The following PRKN variants were observed in gnomAD, a reference collection of about 807,000 sequenced individuals.
PRKN encodes E3 ubiquitin-protein ligase parkin.
In PRKN, 56 loss-of-function variants were observed where a neutral mutation model predicts 59.5. The ratio of observed to expected loss-of-function variants is 0.94; its 90% CI spans 0.76 to 1.18. The LOEUF is 1.18. PRKN is among the 50% of genes most tolerant of loss of function. The probability of loss-of-function intolerance (pLI) is 0.00; values close to 1 mark genes in which losing one functional copy is unlikely to be tolerated. For synonymous variants in PRKN, 250 were observed against 222.1 expected, an observed-to-expected ratio of 1.13 and a Z score of -1.12; for missense variants, 657 against 596.4, an observed-to-expected ratio of 1.10 and a Z score of -1.06.
intron 7 of PRKN, among the ~76,000 whole-genome samples, chr6:161,598,805 T>C (rs1296460683): frequency 6.6e-6 from 1 of 152,188 alleles, no homozygotes; most frequent in African/African-American, 2.4e-5. Flanking sequence ...TGGGTGGCCA[T>C]GGATGTTATG....
Position 161,458,103 on chromosome 6 carries a change from G to T in PRKN, c.1084-71226C>A, listed in dbSNP as rs1488750044. Among the ~76,000 whole-genome samples, 3 of 152,144 alleles carry T rather than the reference G, an allele frequency of 2.0e-5. No individual in the cohort carries two copies. The East Asian group carries it at 5.8e-4, about 29-fold the overall frequency. On this transcript the variant is annotated intron_variant, in intron 9 of 11. Transcript: ENST00000366898. This position sits in a 1 kb window ranked among gnomAD's most constrained non-coding sequence, Gnocchi z 6.1. The stretch of plus-strand genomic sequence containing the variant: ...AAGAAAAAGAGAAATACAGCTCTTT[G>T]TACATTCAGATTCCTTTAGCTTGAA...
chr6:162,281,502 T>G (rs9365397), intron 2 of PRKN, among the ~76,000 whole-genome samples: 1 of 152,150 alleles, frequency 6.6e-6, no homozygotes, highest in Non-Finnish European at 1.5e-5. Flanking sequence ...CTATCTGTCA[T>G]GAATTCAGCT....
intron 2 of PRKN, among the ~76,000 whole-genome samples, chr6:162,347,651 CATTTGTTA>C (rs1388502112): frequency 6.6e-6 from 1 of 151,938 alleles, no homozygotes; most frequent in Non-Finnish European, 1.5e-5. Context: ...TTTTATATAG[CATTTGTTA>C]ATTTTATTGC....
At chr6:162,007,667 C>T (rs1448445537) in intron 5 of PRKN, among the ~76,000 whole-genome samples, 1 of 151,908 alleles carries the variant, frequency 6.6e-6, no homozygotes, top group Non-Finnish European at 1.5e-5. Flanking sequence ...ACAACAAATT[C>T]TGGCAGACAA....
At chr6:162,680,341 T>A (rs1779723842) in intron 1 of PRKN, among the ~76,000 whole-genome samples, 1 of 150,970 alleles carries the variant, frequency 6.6e-6, no homozygotes, top group Non-Finnish European at 1.5e-5. Flanking sequence ...ATGTACTGTA[T>A]GTGTGTGTAT....
chr6:161,922,304 T>G (rs903528103), intron 6 of PRKN, among the ~76,000 whole-genome samples: 5 of 152,168 alleles, frequency 3.3e-5, no homozygotes, highest in Admixed American at 3.3e-4. Flanking sequence ...AATATTTTCC[T>G]GACCCCTCAG....
chr6:161,662,479 G>A (rs915333595), intron 7 of PRKN, among the ~76,000 whole-genome samples: 3 of 152,168 alleles, frequency 2.0e-5, no homozygotes, highest in Admixed American at 1.3e-4. Context: ...CATGGCAGTG[G>A]CAGGTGCAGC....
intron 6 of PRKN, among the ~76,000 whole-genome samples, chr6:161,873,399 T>C (rs1260211494): frequency 1.3e-5 from 2 of 151,658 alleles, no homozygotes; most frequent in African/African-American, 4.8e-5. Context: ...ATATACACAG[T>C]CACGAGACAG....
chr6:162,221,885 A>G (rs992416137), intron 3 of PRKN, among the ~76,000 whole-genome samples: 53 of 152,210 alleles, frequency 3.5e-4, no homozygotes, highest in African/African-American at 1.2e-3. Context: ...AGGATTTTCA[A>G]AAGAATCAAC....
rs1185451439 is a variant in PRKN, at chr6:161,466,908, T to C, written c.1084-80031A>G. Among the ~76,000 whole-genome samples the C allele has an allele frequency of 6.6e-6, 1 of 152,236 alleles. No individual in the cohort carries two copies. The highest frequency in any genetic ancestry group is 6.5e-5 in the Admixed American group (1 of 15,284). Reference sequence around the variant, plus strand: ...AAGTTAGTTAATGAGGGATTTTTATTCTTTTGTTTCTGGTGGCAGAAATAA... The same window carrying C: ...AAGTTAGTTAATGAGGGATTTTTATCCTTTTGTTTCTGGTGGCAGAAATAA... On this transcript the variant is annotated intron_variant, in intron 9 of 11. Coordinates refer to ENST00000366898, the MANE Select transcript of PRKN (RefSeq NM_004562.3). The surrounding 1 kb of genome is among the most constrained non-coding windows in gnomAD (Gnocchi z 5.0).
chr6:162,381,272 C>A (rs548568504), intron 2 of PRKN, among the ~76,000 whole-genome samples: 75 of 152,232 alleles, frequency 4.9e-4, no homozygotes, highest in African/African-American at 1.7e-3. Flanking sequence ...ATAGAAATTA[C>A]CCTGTTTTTC....
chr6:162,430,149 TGATGAC>T (rs1336329634), intron 2 of PRKN, among the ~76,000 whole-genome samples: 2 of 138,098 alleles, frequency 1.4e-5, no homozygotes, highest in Non-Finnish European at 3.1e-5. Flanking sequence ...ACTTTGATGA[TGATGAC>T]GATGACGACG....
At chr6:162,577,226 TA>T (rs148233754) in intron 1 of PRKN, among the ~76,000 whole-genome samples, 8 of 150,286 alleles carry the variant, frequency 5.3e-5, no homozygotes, top group South Asian at 2.2e-4. Context: ...ACAGATAACT[TA>T]AAAAAAGATG....
Position 161,400,309 on chromosome 6 carries a change from T to C in PRKN, c.1084-13432A>G, listed in dbSNP as rs1786969454. On this transcript the variant is annotated intron_variant, in intron 9 of 11. Transcript: ENST00000366898. This position sits in a 1 kb window ranked among gnomAD's most constrained non-coding sequence, Gnocchi z 4.2. ...GGGAAGATTAGAAAATTAAACCTAA[T>C]CTTTTTTTTTTTTTTGAGATGGAAT... Among the ~76,000 whole-genome samples the C allele has an allele frequency of 6.7e-6, 1 of 150,136 alleles. No individual in the cohort carries two copies. Among genetic ancestry groups the C allele is most frequent in the Admixed American group, 6.7e-5 (1 of 14,980 alleles).
chr6:162,303,973 G>C (rs764027308), intron 2 of PRKN, among the ~76,000 whole-genome samples: 116 of 151,822 alleles, frequency 7.6e-4, no homozygotes, highest in Admixed American at 7.5e-3. Flanking sequence ...ATATGTTAAA[G>C]GTCCAAATAC....
rs139841638 is a variant in PRKN at position 162,487,302 on chromosome 6, C to T, written c.8-43829G>A. Among the ~76,000 whole-genome samples the T allele has an allele frequency of 2.7e-3, 408 of 152,148 alleles. 5 individuals carry two copies. Among genetic ancestry groups the T allele is most frequent in the Admixed American group, 0.022 (336 of 15,276 alleles). On this transcript the variant is annotated intron_variant, in intron 1 of 11. Transcript: ENST00000366898. The stretch of plus-strand genomic sequence containing the variant: ...CAGCCTCTGCGTTTTCATTCTCTAA[C>T]GGAGGCTGGCAAGACTTTGTATAGA...
chr6:161,964,149 C>T (rs1780489665), intron 6 of PRKN, among the ~76,000 whole-genome samples: 1 of 152,008 alleles, frequency 6.6e-6, no homozygotes, highest in South Asian at 2.1e-4. Context: ...CAATGCAAGC[C>T]ATGTAGACTT....
At chr6:162,011,763 C>T (rs1583484810) in intron 5 of PRKN, among the ~76,000 whole-genome samples, 1 of 151,126 alleles carries the variant, frequency 6.6e-6, no homozygotes, top group East Asian at 1.9e-4. Context: ...TTAAATTTTA[C>T]AAAGTTCTGG....
rs1780176577 is a variant in PRKN, at chr6:161,554,873, A to T, written c.934-5870T>A. Among the ~76,000 whole-genome samples the T allele has an allele frequency of 1.3e-5, 2 of 151,860 alleles. No individual in the cohort carries two copies. Among genetic ancestry groups the T allele is most frequent in the African/African-American group, 4.8e-5 (2 of 41,378 alleles). ...AAAATAATGTTTTTTTCCTTTGTAA[A>T]TTAATTGCCCTCTTTTGCCTAGATG... is the stretch of plus-strand genomic sequence containing the variant. On this transcript the variant is annotated intron_variant, in intron 8 of 11. Transcript: ENST00000366898. The surrounding 1 kb of genome is among the most constrained non-coding windows in gnomAD (Gnocchi z 4.5).
Sources: allele counts gnomAD v4.1 joint callset (sites outside exome capture counted in the v4.1 genomes callset), GRCh38; gene constraint gnomAD v4.1.1; non-coding constraint Gnocchi (gnomAD v3.1); transcripts MANE v1.5; gene names NCBI Gene and HGNC (gene_info 2026-07-23, HGNC 2026-07-21).